Variants in ZNF248 observed in about 807,000 individuals in gnomAD.
ZNF248 encodes zinc finger protein 248.
In ZNF248, 20 loss-of-function variants were observed where a neutral mutation model predicts 44.3. The observed-to-expected ratio is 0.45, with a 90% CI of 0.32 to 0.66. The LOEUF (loss-of-function observed/expected upper bound fraction) is 0.66. ZNF248 is among the 30% of genes least tolerant of loss of function. The pLI is 0.04. For missense variants in ZNF248, 654 were observed against 677.0 expected (o/e 0.97, Z 0.38); for synonymous variants, 224 against 229.0 (o/e 0.98, Z 0.20).
chr10:37,828,416 G>A (rs942152288), downstream of ZNF248, among the ~76,000 whole-genome samples: 4 of 152,020 alleles, frequency 2.6e-5, no homozygotes, highest in African/African-American at 9.7e-5. Context: ...ATAGATTACA[G>A]AGCAAATGTA....
intron 6 of ZNF248, among the ~76,000 whole-genome samples, chr10:37,814,536 G>A (rs991359365): frequency 5.9e-5 from 9 of 152,202 alleles, no homozygotes; most frequent in Admixed American, 3.9e-4. Flanking sequence ...TCAACCTAAA[G>A]GACTCTTTTC....
intron 6 of ZNF248, among the ~76,000 whole-genome samples, chr10:37,800,139 AGGGGTACATGTAC>A (rs2049636872): frequency 6.6e-6 from 1 of 152,044 alleles, no homozygotes; most frequent in Non-Finnish European, 1.5e-5. Flanking sequence ...TTTTAGGTTC[AGGGGTACATGTAC>A]GGGTTTGTTA....
intron 6 of ZNF248, chr10:37,819,832 C>T (rs2053164819): frequency 1.3e-6 from 1 of 787,276 alleles, no homozygotes; most frequent in Admixed American, 1.7e-5. Flanking sequence ...GCTTTGCTAA[C>T]ATTTTCCGTT....
At chr10:37,783,776 C>A (rs1455993264) in intron 6 of ZNF248, 1 of 152,126 alleles carries the variant, frequency 6.6e-6, no homozygotes, top group Non-Finnish European at 1.5e-5. Context: ...AAAGCCATAG[C>A]AATTATATAC....
At chr10:37,840,211 T>C (rs2058086061) in intron 3 of ZNF248, among the ~76,000 whole-genome samples, 1 of 152,170 alleles carries the variant, frequency 6.6e-6, no homozygotes, top group Admixed American at 6.5e-5. Context: ...TGTTTTGCTC[T>C]GCAAAAGATG....
intron 6 of ZNF248, among the ~76,000 whole-genome samples, chr10:37,779,509 G>A (rs1053245803): frequency 5.3e-5 from 8 of 151,876 alleles, no homozygotes; most frequent in African/African-American, 1.9e-4. Flanking sequence ...TTGATGGGAC[G>A]TATTTCAAAA....
downstream of ZNF248, among the ~76,000 whole-genome samples, chr10:37,827,351 A>T (rs1157693095): frequency 6.6e-6 from 1 of 152,186 alleles, no homozygotes; most frequent in Non-Finnish European, 1.5e-5. Flanking sequence ...AGAGAGGATA[A>T]CTACCCCATT....
chr10:37,808,482 G>A (rs760641128), intron 6 of ZNF248, among the ~76,000 whole-genome samples: 18 of 151,640 alleles, frequency 1.2e-4, no homozygotes, highest in Non-Finnish European at 2.2e-4. Context: ...ATGGAGTTTC[G>A]CCATGTTGAC....
downstream of ZNF248, among the ~76,000 whole-genome samples, chr10:37,774,327 T>C (rs984271506): frequency 6.6e-6 from 1 of 152,200 alleles, no homozygotes; most frequent in African/African-American, 2.4e-5. Context: ...GCAAAAATCC[T>C]ACAGAAAATT....
chr10:37,840,707 G>A (rs962684327), intron 3 of ZNF248, among the ~76,000 whole-genome samples: 4 of 152,004 alleles, frequency 2.6e-5, no homozygotes, highest in East Asian at 3.9e-4. Context: ...CACCCAAACC[G>A]GAAGGCAGAG....
At chr10:37,802,103 C>T (rs1208676) in intron 6 of ZNF248, among the ~76,000 whole-genome samples, 9,126 of 152,226 alleles carry the variant, frequency 0.06, 352 homozygotes, top group Middle Eastern at 0.095. Flanking sequence ...TATAGTTTCC[C>T]TGATGTTGAG....
intron 6 of ZNF248, among the ~76,000 whole-genome samples, chr10:37,802,265 G>C (rs1199303276): frequency 6.6e-6 from 1 of 152,206 alleles, no homozygotes; most frequent in Non-Finnish European, 1.5e-5. Context: ...TAAAGGTAAA[G>C]CTGGGGAAGA....
chr10:37,816,143 T>C (rs1024547459), intron 6 of ZNF248, among the ~76,000 whole-genome samples: 3 of 151,804 alleles, frequency 2.0e-5, no homozygotes, highest in African/African-American at 7.3e-5. Flanking sequence ...TCAGAAATTT[T>C]GCCAAGGAAG....
intron 3 of ZNF248, among the ~76,000 whole-genome samples, chr10:37,842,392 A>C (rs1015144929): frequency 2.0e-5 from 3 of 152,344 alleles, no homozygotes; most frequent in Non-Finnish European, 4.4e-5. Flanking sequence ...AGTAGATGCC[A>C]AATCAGAAAG....
At chr10:37,856,410 A>G (rs2061301431) in intron 2 of ZNF248, 25 bp downstream of exon 2, 9 of 1,571,586 alleles carry the variant, frequency 5.7e-6, no homozygotes, top group Non-Finnish European at 7.8e-6. Flanking sequence ...ACCTGCCTAT[A>G]CAGGTCCACA....
intron 6 of ZNF248, among the ~76,000 whole-genome samples, chr10:37,816,384 T>C (rs1482422122): frequency 6.6e-6 from 1 of 152,218 alleles, no homozygotes; most frequent in Non-Finnish European, 1.5e-5. Context: ...TTCAGCAAGC[T>C]GCTTCAGGAA....
intron 6 of ZNF248, among the ~76,000 whole-genome samples, chr10:37,812,651 G>A (rs931867044): frequency 6.6e-6 from 1 of 151,984 alleles, no homozygotes; most frequent in Non-Finnish European, 1.5e-5. Flanking sequence ...GCATGCCCCC[G>A]GCCACCCAGA....
chr10:37,780,413 G>A lies in ZNF248; in HGVS notation c.331-3838C>T, dbSNP rs545688543. ...CAAACCTGAGAAAAAGAAGCAATGGGGAAAGGATTCCCTGTTTAATAAATG... is the reference window on the plus strand; with the variant it reads ...CAAACCTGAGAAAAAGAAGCAATGGAGAAAGGATTCCCTGTTTAATAAATG... On this transcript the variant is annotated intron_variant, in intron 6 of 6. Coordinates refer to the ZNF248 transcript ENST00000615949. Among the ~76,000 whole-genome samples, 11 of 152,250 alleles carry A rather than the reference G, an allele frequency of 7.2e-5. No homozygotes were observed. In the South Asian group the frequency reaches 2.3e-3, roughly 32 times the overall value.
chr10:37,804,418 TATTTA>T (rs1409552664), intron 6 of ZNF248, among the ~76,000 whole-genome samples: 2 of 151,884 alleles, frequency 1.3e-5, no homozygotes, highest in Non-Finnish European at 2.9e-5. Flanking sequence ...TAGTGAATCT[TATTTA>T]TTTTATGTAT....
Sources: allele counts gnomAD v4.1 joint callset (sites outside exome capture counted in the v4.1 genomes callset), GRCh38; gene constraint gnomAD v4.1.1; transcripts MANE v1.5; gene names NCBI Gene and HGNC (gene_info 2026-07-23, HGNC 2026-07-21).